HTR5A: variants seen among roughly 807,000 people sequenced by gnomAD.
HTR5A encodes the protein 5-hydroxytryptamine receptor 5A, also known as 5-HT-5.
In HTR5A, 21 loss-of-function variants were observed where a neutral mutation model predicts 24.3. The observed-to-expected ratio is 0.86, with a 90% CI of 0.61 to 1.24. The LOEUF (loss-of-function observed/expected upper bound fraction) is 1.24. Ranked by LOEUF, HTR5A falls within the 50% of genes most tolerant of loss-of-function variation. The probability of loss-of-function intolerance (pLI) is 0.00; values close to 1 mark genes in which losing one functional copy is unlikely to be tolerated. For missense variants in HTR5A, 497 were observed against 489.5 expected, an observed-to-expected ratio of 1.02 and a Z score of -0.15; for synonymous variants, 260 against 213.7, an observed-to-expected ratio of 1.22 and a Z score of -1.89.
chr7:155,080,360 C>G (rs1795402531), intron 1 of HTR5A, among the ~76,000 whole-genome samples: 1 of 152,198 alleles, frequency 6.6e-6, no homozygotes, highest in South Asian at 2.1e-4. Context: ...TAGTTGGTCA[C>G]AAATCCTAGG....
intron 1 of HTR5A, among the ~76,000 whole-genome samples, chr7:155,080,082 A>C (rs1369088955): frequency 1.2e-4 from 18 of 152,230 alleles, no homozygotes; most frequent in Admixed American, 1.2e-3. Flanking sequence ...TTCTGTATTC[A>C]ACAGAAGAAG....
Position 155,070,617 on chromosome 7 carries a change from C to T in HTR5A, c.-283C>T, listed in dbSNP as rs1795277655. On this transcript the variant is annotated 5_prime_UTR_variant, in exon 1 of 2. Coordinates refer to ENST00000287907, the MANE Select transcript of HTR5A (RefSeq NM_024012.4). ...AGCCTTTCCACCAAGGCGAGGAGCC[C>T]TGGGCTCCTGACAGCTTAGGCGGGC... is the stretch of plus-strand genomic sequence containing the variant. 1.4e-4 allele frequency: 67 copies of T among 491,726 alleles called. 4 individuals carry two copies. The South Asian group carries it at 1.5e-3, about 11-fold the overall frequency. The allele number at this position is 491,726 out of a possible 1,614,324, so 30.5% of individuals were successfully genotyped here.
At position 155,071,598 on chromosome 7, in the gene HTR5A, C is replaced by T; in HGVS notation, c.699C>T (p.Ser233=). The T allele has an allele frequency of 6.2e-7, 1 of 1,614,174 alleles. No individual in the cohort carries two copies. The highest frequency in any genetic ancestry group is 8.5e-7 in the Non-Finnish European group (1 of 1,180,034). ...IYKAAKFRVG[S]RKTNSVSPIS... is the part of the protein sequence containing the mutation. ...AGGCTGCCAAGTTCCGCGTGGGCTC[C>T]AGGAAGACCAATAGCGTCTCACCCA... The change falls in exon 1 of 2, where the codon TCC becomes TCT. Residue 233 remains serine, a synonymous_variant. Transcript: ENST00000287907.
chr7:155,077,466 G>GTTT (rs11324160), intron 1 of HTR5A, among the ~76,000 whole-genome samples: 6 of 103,342 alleles, frequency 5.8e-5, no homozygotes, highest in African/African-American at 1.6e-4. Context: ...TTTTTTTTTT[G>GTTT]TTTTTTTTTT....
chr7:155,079,228 C>T (rs902517542), intron 1 of HTR5A, among the ~76,000 whole-genome samples: 4 of 152,162 alleles, frequency 2.6e-5, no homozygotes, highest in African/African-American at 9.6e-5. Context: ...GCTGGGATTA[C>T]AGGCATGAGC....
In HTR5A at chr7:155,077,468, T is replaced by G. The variant is rs1395045223; in HGVS notation, c.741+5828T>G. ...TATAACCAATAGGTTTTTTTTTTGT[T>G]TTTTTTTTTTTTTGAGACAGAGTCT... On this transcript the variant is annotated intron_variant, in intron 1 of 1. Transcript: ENST00000287907. Among the ~76,000 whole-genome samples, 10 of 9,002 alleles carry G rather than the reference T, an allele frequency of 1.1e-3. No homozygotes were observed. In the Non-Finnish European group the frequency reaches 0.022, roughly 20 times the overall value. The allele number at this position is 9,002 out of a possible 152,430, so 5.9% of individuals were successfully genotyped here.
intron 1 of HTR5A, among the ~76,000 whole-genome samples, chr7:155,073,553 T>A (rs911791914): frequency 2.0e-5 from 3 of 151,904 alleles, no homozygotes; most frequent in African/African-American, 4.8e-5. Flanking sequence ...CTACCTGAAG[T>A]GAGGTTCCAT....
chr7:155,071,632 G>A lies in HTR5A; in HGVS notation c.733G>A (p.Ala245Thr), dbSNP rs1305445008. 6.2e-7 allele frequency: 1 copy of A among 1,613,440 alleles called. No individual in the cohort carries two copies. The highest frequency in any genetic ancestry group is 1.3e-5 in the African/African-American group (1 of 74,912). ...CAATAGCGTCTCACCCATATCCGAA[G>A]CTGTGGAGGTGGGTATCTCAGCAAT... ...KTNSVSPISE[A>T]VEVKDSAKQP... is the part of the protein sequence containing the mutation. Residue 245 changes from alanine (A) to threonine (T), a missense_variant, in exon 1 of 2, where the codon GCT (alanine) becomes ACT (threonine). Physicochemically the swap from Ala to Thr is moderately conservative, Grantham distance 58. Coordinates refer to ENST00000287907, the MANE Select transcript of HTR5A (RefSeq NM_024012.4).
rs1554519604 is a variant in HTR5A, at chr7:155,073,865, G to GTGTGTA, written c.741+2226_741+2227insGTGTAT. ...CATATATATACATATGTGTGTGTGT[G>GTGTGTA]TATATATATATGTATATATATATGT... On this transcript the variant is annotated intron_variant, in intron 1 of 1. Coordinates refer to ENST00000287907, the MANE Select transcript of HTR5A (RefSeq NM_024012.4). Among the ~76,000 whole-genome samples the GTGTGTA allele has an allele frequency of 1.7e-3, 99 of 57,254 alleles. 1 individual carries two copies. Among genetic ancestry groups the GTGTGTA allele is most frequent in the Admixed American group, 2.7e-3 (15 of 5,610 alleles). 37.6% of individuals were successfully genotyped at this position (57,254 alleles called of 152,430 possible).
At chr7:155,080,874 T>C (rs77822614) in intron 1 of HTR5A, among the ~76,000 whole-genome samples, 1,801 of 152,306 alleles carry the variant, frequency 0.012, 41 homozygotes, top group African/African-American at 0.042. Context: ...GGGTTTTCTG[T>C]TGGATGATTG....
chr7:155,080,489 T>G (rs1055946269), intron 1 of HTR5A, among the ~76,000 whole-genome samples: 3 of 152,210 alleles, frequency 2.0e-5, no homozygotes, highest in African/African-American at 7.2e-5. Context: ...GCCCAGTGAA[T>G]GCACTTGTGG....
chr7:155,086,761 A>G lies in HTR5A; in HGVS notation c.*2274A>G, dbSNP rs1055043396. 1.1e-4 allele frequency among the ~76,000 whole-genome samples: 16 copies of G among 152,370 alleles called. No homozygotes were observed. The highest frequency in any genetic ancestry group is 3.6e-4 in the African/African-American group (15 of 41,598). On this transcript the variant is annotated 3_prime_UTR_variant, in exon 2 of 2. Coordinates refer to ENST00000287907, the MANE Select transcript of HTR5A (RefSeq NM_024012.4). Reference sequence around the variant, plus strand: ...TGGTAAGAAATGTAGACATTCATTGACTTTGAGTCTCTACTATGCAAATCA... The same window carrying G: ...TGGTAAGAAATGTAGACATTCATTGGCTTTGAGTCTCTACTATGCAAATCA...
Position 155,084,135 on chromosome 7 carries a change from C to G in HTR5A, c.742-20C>G, listed in dbSNP as rs1189917322. 6.4e-7 allele frequency: 1 copy of G among 1,564,968 alleles called. No homozygotes were observed. Among genetic ancestry groups the G allele is most frequent in the Admixed American group, 1.8e-5 (1 of 56,710 alleles). On this transcript the variant is annotated intron_variant, in intron 1 of 1. Transcript: ENST00000287907. ...TAGACTGAGGTGGCTCCTCATAAAG[C>G]TCCTGCTTGTCTTTTACAGGTGAAG...
In HTR5A at chr7:155,070,499, C is replaced by T. The variant is rs1425875791; in HGVS notation, c.-401C>T. The T allele has an allele frequency of 7.8e-6, 3 of 382,554 alleles. No homozygotes were observed. Among genetic ancestry groups the T allele is most frequent in the Non-Finnish European group, 1.5e-5 (3 of 195,142 alleles). 23.7% of individuals were successfully genotyped at this position (382,554 alleles called of 1,614,324 possible). A position where few individuals can be genotyped will look rare whatever the true frequency, so the allele number is the denominator to read the frequency against. ...GGAGACAACGCGGTGAGAGCGACTG[C>T]TCTGACGCACCAGCCCCTCTCCTGC... On this transcript the variant is annotated 5_prime_UTR_variant, in exon 1 of 2. Coordinates refer to ENST00000287907, the MANE Select transcript of HTR5A (RefSeq NM_024012.4).
intron 1 of HTR5A, among the ~76,000 whole-genome samples, chr7:155,083,866 G>A (rs567127788): frequency 7.2e-5 from 11 of 152,262 alleles, no homozygotes; most frequent in Admixed American, 3.3e-4. Context: ...TTGCCTGCTC[G>A]TTTCTGCCAC....
intron 1 of HTR5A, among the ~76,000 whole-genome samples, chr7:155,082,270 G>A (rs1166875035): frequency 6.6e-6 from 1 of 152,020 alleles, no homozygotes; most frequent in Admixed American, 6.6e-5. Flanking sequence ...TCCACAGTGT[G>A]AACAGCATCC....
chr7:155,075,234 G>A (rs972206803), intron 1 of HTR5A, among the ~76,000 whole-genome samples: 2 of 151,616 alleles, frequency 1.3e-5, no homozygotes, highest in African/African-American at 4.8e-5. Context: ...CAAAGCTGCA[G>A]GAGAGATCTC....
In HTR5A at chr7:155,070,704, C is replaced by A; in HGVS notation, c.-196C>A. 1.6e-6 allele frequency: 1 copy of A among 629,156 alleles called. No homozygotes were observed. The highest frequency in any genetic ancestry group is 2.7e-5 in the East Asian group (1 of 36,812). The allele number at this position is 629,156 out of a possible 1,614,324, so 39.0% of individuals were successfully genotyped here. On this transcript the variant is annotated 5_prime_UTR_variant, in exon 1 of 2. Transcript: ENST00000287907. ...TTAGCCTCTGAGGGCTTCAGACCTG[C>A]CGCGCTTGCAGCCACACCATCTCCA...
intron 1 of HTR5A, among the ~76,000 whole-genome samples, chr7:155,083,763 G>A (rs1795444337): frequency 6.6e-6 from 1 of 152,162 alleles, no homozygotes; most frequent in South Asian, 2.1e-4. Flanking sequence ...AAAGATGGTA[G>A]AAAATGTGGT....
Sources: gnomAD v4.1 joint callset for allele counts (sites outside exome capture counted in the v4.1 genomes callset) on GRCh38, gnomAD v4.1.1 for gene constraint, MANE v1.5 for transcripts, NCBI Gene and HGNC (gene_info 2026-07-23, HGNC 2026-07-21) for gene names.